The following UVRAG variants were observed in gnomAD, a reference collection of about 807,000 sequenced individuals.
The protein encoded by UVRAG is UV radiation resistance-associated gene protein.
A neutral mutation model predicts 78.0 loss-of-function variants in UVRAG; 19 were observed. The ratio of observed to expected loss-of-function variants is 0.24; its 90% CI spans 0.17 to 0.36. The LOEUF (loss-of-function observed/expected upper bound fraction) is 0.36, where lower values mean the gene tolerates loss of function less well. Ranked by LOEUF, UVRAG falls within the 10% of genes least tolerant of loss-of-function variation. UVRAG has a pLI of 1.00. For missense variants in UVRAG, 740 were observed against 853.8 expected (o/e 0.87, Z 1.66); for synonymous variants, 323 against 324.6 (o/e 1.00, Z 0.05).
At position 75,878,133 on chromosome 11, in the gene UVRAG, C is replaced by T. The variant is rs543904543; in HGVS notation, c.271-1746C>T. ...GCGGTTGCCGGGCGGAGGGTCTCCT[C>T]CCTTCTCAGATGGGGCGGCTGGGCA... is the stretch of plus-strand genomic sequence containing the variant. On this transcript the variant is annotated intron_variant, in intron 3 of 14. Coordinates refer to ENST00000356136, the MANE Select transcript of UVRAG (RefSeq NM_003369.4). Among the ~76,000 whole-genome samples, 6 of 150,848 alleles carry T rather than the reference C, an allele frequency of 4.0e-5. No individual in the cohort carries two copies. In the South Asian group the frequency reaches 1.1e-3, roughly 26 times the overall value.
chr11:75,911,328 T>G (rs1167701474), intron 5 of UVRAG: 1 of 169,296 alleles, frequency 5.9e-6, no homozygotes, highest in African/African-American at 2.4e-5. Context: ...AGCCCAAAGG[T>G]GCCCAGCCTT....
intron 12 of UVRAG, among the ~76,000 whole-genome samples, chr11:76,051,046 G>A (rs1227151501): frequency 2.0e-5 from 3 of 152,138 alleles, no homozygotes; most frequent in Non-Finnish European, 4.4e-5. Context: ...TATCAGCACT[G>A]TATAAGGAAG....
intron 12 of UVRAG, among the ~76,000 whole-genome samples, chr11:76,054,653 C>G (rs1015996920): frequency 6.6e-6 from 1 of 152,194 alleles, no homozygotes; most frequent in East Asian, 1.9e-4. Context: ...TTTCACCTGC[C>G]TGGAACACTC....
At chr11:75,950,149 T>C (rs1474270157) in intron 6 of UVRAG, among the ~76,000 whole-genome samples, 1 of 152,218 alleles carries the variant, frequency 6.6e-6, no homozygotes, top group African/African-American at 2.4e-5. Context: ...GCTTATTCAT[T>C]ATTCTGTTGA....
At chr11:75,911,754 C>A in intron 5 of UVRAG, 200 bp from the exon 6 acceptor site, 1 of 427,678 alleles carries the variant, frequency 2.3e-6, no homozygotes, top group South Asian at 3.6e-5. Flanking sequence ...ATCCCCCTGC[C>A]AAAATTTATT....
intron 13 of UVRAG, among the ~76,000 whole-genome samples, chr11:76,076,856 A>G (rs1157250764): frequency 6.8e-6 from 1 of 147,640 alleles, no homozygotes; most frequent in African/African-American, 2.6e-5. Context: ...ACAAGACCCC[A>G]TAATAAAAAA....
intron 1 of UVRAG, among the ~76,000 whole-genome samples, chr11:75,830,138 C>T (rs968472313): frequency 6.6e-6 from 1 of 152,154 alleles, no homozygotes; most frequent in Admixed American, 6.6e-5. Flanking sequence ...CTGTGCCTGG[C>T]CAATTAATTG....
intron 9 of UVRAG, among the ~76,000 whole-genome samples, chr11:76,006,682 AAAAAG>A (rs1949948987): frequency 6.6e-6 from 1 of 151,012 alleles, no homozygotes; most frequent in African/African-American, 2.4e-5. Flanking sequence ...AAAAAAAAAA[AAAAAG>A]AGAGAGAGAA....
intron 6 of UVRAG, among the ~76,000 whole-genome samples, chr11:75,956,129 A>G (rs1214398887): frequency 2.0e-5 from 3 of 151,968 alleles, no homozygotes; most frequent in Non-Finnish European, 4.4e-5. Flanking sequence ...GTTCCTTTTT[A>G]TTGCTAAGTA....
chr11:76,089,583 C>G (rs1159046901), intron 13 of UVRAG, among the ~76,000 whole-genome samples: 1 of 152,132 alleles, frequency 6.6e-6, no homozygotes, highest in Non-Finnish European at 1.5e-5. Context: ...GAGTTCTGGC[C>G]TATTAGCCCT....
intron 14 of UVRAG, among the ~76,000 whole-genome samples, chr11:76,138,207 T>C (rs1452818763): frequency 6.6e-6 from 1 of 152,228 alleles, no homozygotes; most frequent in Non-Finnish European, 1.5e-5. Context: ...GTTACTTGAA[T>C]TTGAATGTCG....
chr11:75,869,605 T>G (rs1371571661), intron 3 of UVRAG, among the ~76,000 whole-genome samples: 2 of 152,220 alleles, frequency 1.3e-5, no homozygotes, highest in Non-Finnish European at 2.9e-5. Context: ...TGGAATTATA[T>G]GTAGTACCAG....
At chr11:75,831,437 A>G (rs1169597701) in intron 1 of UVRAG, among the ~76,000 whole-genome samples, 3 of 152,164 alleles carry the variant, frequency 2.0e-5, no homozygotes, top group Non-Finnish European at 4.4e-5. Flanking sequence ...GCAGTTAGCC[A>G]AGATCGCACC....
At chr11:75,986,434 A>G (rs1294155344) in intron 8 of UVRAG, among the ~76,000 whole-genome samples, 1 of 152,174 alleles carries the variant, frequency 6.6e-6, no homozygotes, top group Non-Finnish European at 1.5e-5. Flanking sequence ...GAAGCCTTAT[A>G]GACAGATTAG....
chr11:75,914,228 A>G (rs1414635654), intron 6 of UVRAG: 1 of 152,228 alleles, frequency 6.6e-6, no homozygotes, highest in Non-Finnish European at 1.5e-5. Context: ...AGTGTTTGCC[A>G]TGATATATGT....
intron 7 of UVRAG, among the ~76,000 whole-genome samples, chr11:75,962,217 A>G (rs1025608561): frequency 6.6e-5 from 10 of 152,230 alleles, no homozygotes; most frequent in Admixed American, 5.9e-4. Flanking sequence ...TTAAAATAAA[A>G]TTCAGATCTT....
chr11:76,002,850 C>T (rs999964145), intron 8 of UVRAG, among the ~76,000 whole-genome samples: 7 of 152,000 alleles, frequency 4.6e-5, no homozygotes, highest in East Asian at 1.9e-4. Flanking sequence ...CCACGGCAGG[C>T]GGATGGCTTG....
chr11:75,930,989 A>G (rs1451205922), intron 6 of UVRAG: 1 of 37,326 alleles, frequency 2.7e-5, no homozygotes. Context: ...CTTTCTTTCC[A>G]TTTTTAATTT....
At chr11:75,988,372 A>G (rs1949541540) in intron 8 of UVRAG, among the ~76,000 whole-genome samples, 1 of 152,212 alleles carries the variant, frequency 6.6e-6, no homozygotes, top group Non-Finnish European at 1.5e-5. Flanking sequence ...TACAATATGC[A>G]CTTTTTATAT....
Sources: gnomAD v4.1 joint callset for allele counts (sites outside exome capture counted in the v4.1 genomes callset) on GRCh38, gnomAD v4.1.1 for gene constraint, MANE v1.5 for transcripts, NCBI Gene and HGNC (gene_info 2026-07-23, HGNC 2026-07-21) for gene names.